The following FSTL5 variants were observed in gnomAD, a reference collection of about 807,000 sequenced individuals.
FSTL5 encodes follistatin-related protein 5.
FSTL5 carries 62 observed loss-of-function variants against 89.1 expected under a neutral mutation model. That is an observed-to-expected ratio of 0.70 (90% CI 0.57 to 0.86). FSTL5 has a LOEUF of 0.86. Among genes scored for constraint, FSTL5 ranks in the 40% least tolerant of loss-of-function variants. The pLI, the probability that FSTL5 is intolerant of heterozygous loss-of-function variation, is 0.00. For synonymous variants in FSTL5, 383 were observed against 346.2 expected, an observed-to-expected ratio of 1.11 and a Z score of -1.18; for missense variants, 1,057 against 1,001.6, an observed-to-expected ratio of 1.06 and a Z score of -0.75.
chr4:162,098,686 A>G (rs888540295), intron 2 of FSTL5, among the ~76,000 whole-genome samples: 11 of 152,110 alleles, frequency 7.2e-5, no homozygotes. Context: ...ATACAAAGTC[A>G]TAGTAAATAA....
chr4:162,029,631 T>C (rs1014223676), intron 3 of FSTL5, among the ~76,000 whole-genome samples: 7 of 152,248 alleles, frequency 4.6e-5, no homozygotes, highest in Middle Eastern at 3.4e-3. Flanking sequence ...TAGAACACTA[T>C]TGTGATGTGT....
intron 5 of FSTL5, among the ~76,000 whole-genome samples, chr4:161,774,066 C>G (rs543313411): frequency 1.0e-3 from 158 of 152,110 alleles, no homozygotes; most frequent in Middle Eastern, 3.4e-3. Context: ...TTGAGACCAT[C>G]CTGGGTAACA....
At chr4:161,980,864 C>T (rs1023464773) in intron 3 of FSTL5, among the ~76,000 whole-genome samples, 2 of 147,280 alleles carry the variant, frequency 1.4e-5, no homozygotes, top group Admixed American at 7.0e-5. Context: ...GCAACCTCCA[C>T]CTTCCGGGTT....
intron 7 of FSTL5, among the ~76,000 whole-genome samples, chr4:161,636,147 A>C (rs1236889479): frequency 6.6e-6 from 1 of 151,774 alleles, no homozygotes; most frequent in Non-Finnish European, 1.5e-5. Flanking sequence ...TATATAACTT[A>C]TTTTCTCTTC....
At chr4:162,129,545 G>A (rs754323579) in intron 1 of FSTL5, among the ~76,000 whole-genome samples, 5 of 152,150 alleles carry the variant, frequency 3.3e-5, no homozygotes, top group Non-Finnish European at 7.4e-5. Flanking sequence ...ACAGAACATT[G>A]TTTACAATCT....
chr4:162,012,439 T>G (rs569043993), intron 3 of FSTL5, among the ~76,000 whole-genome samples: 6 of 152,214 alleles, frequency 3.9e-5, no homozygotes, highest in Non-Finnish European at 8.8e-5. Context: ...CAAGTAAACA[T>G]GGATTATTAC....
At chr4:161,897,258 G>A (rs949760158) in intron 4 of FSTL5, among the ~76,000 whole-genome samples, 1 of 151,382 alleles carries the variant, frequency 6.6e-6, no homozygotes, top group African/African-American at 2.4e-5. Context: ...GTAATTGGAG[G>A]AATACTAAGA....
intron 3 of FSTL5, among the ~76,000 whole-genome samples, chr4:161,977,624 A>T (rs370393958): frequency 0.073 from 7,602 of 103,750 alleles, 381 homozygotes; most frequent in Middle Eastern, 0.15. Context: ...AAAAAAAAAA[A>T]AAAAAAAAAA....
At chr4:161,689,637 T>A (rs906197567) in intron 6 of FSTL5, among the ~76,000 whole-genome samples, 2 of 152,164 alleles carry the variant, frequency 1.3e-5, no homozygotes, top group Admixed American at 6.5e-5. Context: ...AGAGGACATT[T>A]TTTTACTGAG....
intron 3 of FSTL5, among the ~76,000 whole-genome samples, chr4:161,949,038 C>T (rs71610986): frequency 1.1e-3 from 161 of 152,230 alleles, no homozygotes; most frequent in Non-Finnish European, 1.8e-3. Flanking sequence ...GAAATCAAGG[C>T]ATTGGCAGGG....
chr4:161,975,228 T>C (rs9762650), intron 3 of FSTL5, among the ~76,000 whole-genome samples: 12,842 of 138,290 alleles, frequency 0.093, 619 homozygotes, highest in East Asian at 0.19. Flanking sequence ...AGAAATACCA[T>C]TTGACCCAGC....
At chr4:161,474,406 A>G (rs911263985) in intron 13 of FSTL5, among the ~76,000 whole-genome samples, 2 of 152,212 alleles carry the variant, frequency 1.3e-5, no homozygotes, top group Admixed American at 1.3e-4. Flanking sequence ...ATATTTATGC[A>G]TTACTCTCAT....
chr4:161,899,101 C>T (rs535704993), intron 4 of FSTL5, among the ~76,000 whole-genome samples: 3 of 152,010 alleles, frequency 2.0e-5, no homozygotes, highest in African/African-American at 7.2e-5. Flanking sequence ...GGGATGGGGC[C>T]GTGGGGTCAA....
intron 4 of FSTL5, among the ~76,000 whole-genome samples, chr4:161,799,815 A>C (rs1212620723): frequency 1.3e-5 from 2 of 151,726 alleles, no homozygotes; most frequent in African/African-American, 4.8e-5. Context: ...TGGGTTATGA[A>C]ATCAGGCAGT....
At chr4:161,630,936 G>A (rs1419118592) in intron 7 of FSTL5, among the ~76,000 whole-genome samples, 1 of 152,038 alleles carries the variant, frequency 6.6e-6, no homozygotes, top group African/African-American at 2.4e-5. Context: ...TTCTTAACAG[G>A]AATCTGACAC....
intron 3 of FSTL5, among the ~76,000 whole-genome samples, chr4:162,032,413 G>A (rs1471693): frequency 0.38 from 57,486 of 151,948 alleles, 11,128 homozygotes; most frequent in Middle Eastern, 0.54. Context: ...ATAAATAAGT[G>A]TAATAATTTC....
intron 15 of FSTL5, among the ~76,000 whole-genome samples, chr4:161,414,651 C>A (rs1325757143): frequency 6.6e-6 from 1 of 152,116 alleles, no homozygotes; most frequent in Non-Finnish European, 1.5e-5. Context: ...ATGTATTTAT[C>A]ATTTAAGCCC....
intron 7 of FSTL5, among the ~76,000 whole-genome samples, chr4:161,617,822 A>G (rs1734952959): frequency 6.6e-6 from 1 of 152,190 alleles, no homozygotes; most frequent in African/African-American, 2.4e-5. Flanking sequence ...GAATAAAGAC[A>G]TGTTTAGATA....
intron 2 of FSTL5, among the ~76,000 whole-genome samples, chr4:162,110,221 A>T (rs1412618450): frequency 6.6e-6 from 1 of 152,016 alleles, no homozygotes; most frequent in Non-Finnish European, 1.5e-5. Flanking sequence ...GTGTGCATTT[A>T]GAAAATTCCT....
Sources: allele counts gnomAD v4.1 joint callset (sites outside exome capture counted in the v4.1 genomes callset), GRCh38; gene constraint gnomAD v4.1.1; transcripts MANE v1.5; gene names NCBI Gene and HGNC (gene_info 2026-07-23, HGNC 2026-07-21).